PTPRD: variants seen among roughly 807,000 people sequenced by gnomAD.
PTPRD encodes receptor-type tyrosine-protein phosphatase delta.
PTPRD carries 34 observed loss-of-function variants against 214.5 expected under a neutral mutation model. The ratio of observed to expected loss-of-function variants is 0.16; its 90% CI spans 0.12 to 0.21. The LOEUF (loss-of-function observed/expected upper bound fraction) is 0.21, where lower values mean the gene tolerates loss of function less well. PTPRD is among the 10% of genes least tolerant of loss of function. The probability of loss-of-function intolerance (pLI) is 1.00; values close to 1 mark genes in which losing one functional copy is unlikely to be tolerated. For synonymous variants in PTPRD, 1,128 were observed against 845.7 expected (o/e 1.33, Z -5.79); for missense variants, 2,545 against 2,398.7 (o/e 1.06, Z -1.27).
At chr9:9,893,458 C>CA (rs377296181) in intron 5 of PTPRD, among the ~76,000 whole-genome samples, 1 of 151,800 alleles carries the variant, frequency 6.6e-6, no homozygotes, top group African/African-American at 2.4e-5. Flanking sequence ...TAGAAAACAA[C>CA]AAAAAATATT....
Position 9,600,429 on chromosome 9 carries a change from A to G in PTPRD, c.-286-25648T>C, listed in dbSNP as rs375799688. On this transcript the variant is annotated intron_variant, in intron 7 of 45. Coordinates refer to ENST00000381196, the MANE Select transcript of PTPRD (RefSeq NM_002839.4). ...ATTCATTTCTTCATTCATTCATTGTATTAGCCCCCGTTTTAAGGTTTAGGT... is the reference window on the plus strand; with the variant it reads ...ATTCATTTCTTCATTCATTCATTGTGTTAGCCCCCGTTTTAAGGTTTAGGT... Among the ~76,000 whole-genome samples the G allele has an allele frequency of 1.1e-3, 4 of 3,772 alleles. No individual in the cohort carries two copies. The Non-Finnish European group carries it at 0.021, about 20-fold the overall frequency. The allele number at this position is 3,772 out of a possible 152,430, so 2.5% of individuals were successfully genotyped here.
At chr9:9,625,021 A>T (rs867509301) in intron 7 of PTPRD, among the ~76,000 whole-genome samples, 3 of 152,316 alleles carry the variant, frequency 2.0e-5, no homozygotes, top group Middle Eastern at 3.4e-3. Flanking sequence ...AGGGCCAAAA[A>T]TAACCACTGT....
chr9:9,647,918 T>C (rs1018528379), intron 7 of PTPRD, among the ~76,000 whole-genome samples: 3 of 152,170 alleles, frequency 2.0e-5, no homozygotes, highest in South Asian at 2.1e-4. Flanking sequence ...CCAGATCTCA[T>C]ACTTTAATTG....
At chr9:10,030,738 C>T (rs1026259889) in intron 4 of PTPRD, among the ~76,000 whole-genome samples, 1 of 152,184 alleles carries the variant, frequency 6.6e-6, no homozygotes, top group African/African-American at 2.4e-5. Context: ...TCAATGGTAT[C>T]CTGTGTCCTG....
chr9:8,590,401 C>T (rs1250171146), intron 14 of PTPRD, among the ~76,000 whole-genome samples: 8 of 152,074 alleles, frequency 5.3e-5, no homozygotes, highest in Admixed American at 5.2e-4. Flanking sequence ...TCCTAAAATT[C>T]AAGTGTGCAG....
Position 8,913,820 on chromosome 9 carries a change from G to A in PTPRD, c.-104+104877C>T, listed in dbSNP as rs941671773. 1.3e-4 allele frequency among the ~76,000 whole-genome samples: 20 copies of A among 152,148 alleles called. 1 individual carries two copies. The highest frequency in any genetic ancestry group is 7.4e-5 in the Non-Finnish European group (5 of 68,000). On this transcript the variant is annotated intron_variant, in intron 11 of 45. Transcript: ENST00000381196. ...TGAGACTGGAAGTCAGTGAGGTATTGTGATTATGACCTGCTTTGGGGGTAG... is the reference window on the plus strand; with the variant it reads ...TGAGACTGGAAGTCAGTGAGGTATTATGATTATGACCTGCTTTGGGGGTAG...
chr9:9,652,775 C>T (rs541914256), intron 7 of PTPRD, among the ~76,000 whole-genome samples: 18 of 151,948 alleles, frequency 1.2e-4, no homozygotes, highest in African/African-American at 4.3e-4. Context: ...CCACCATTCC[C>T]TGCTAATTTT....
chr9:9,423,262 T>G (rs1412729), intron 8 of PTPRD, among the ~76,000 whole-genome samples: 132,197 of 152,122 alleles, frequency 0.87, 57,566 homozygotes, highest in Middle Eastern at 0.91. Context: ...GCTTTGGAAG[T>G]TAATTAGGTT....
chr9:9,202,069 G>A (rs2132334896), intron 9 of PTPRD, among the ~76,000 whole-genome samples: 1 of 152,314 alleles, frequency 6.6e-6, no homozygotes, highest in Middle Eastern at 3.4e-3. Flanking sequence ...AAGCCTTGAT[G>A]GAAAAGATGC....
intron 14 of PTPRD, among the ~76,000 whole-genome samples, chr9:8,620,496 G>C (rs988813788): frequency 2.0e-5 from 3 of 151,964 alleles, no homozygotes; most frequent in Admixed American, 6.6e-5. Context: ...TGATGAAAAG[G>C]TTATTTTGCA....
At chr9:9,875,454 T>G (rs1319370343) in intron 5 of PTPRD, among the ~76,000 whole-genome samples, 1 of 152,064 alleles carries the variant, frequency 6.6e-6, no homozygotes, top group South Asian at 2.1e-4. Flanking sequence ...ATAACCTAAG[T>G]AGGATGCAAA....
Position 8,449,963 on chromosome 9 carries a change from C to G in PTPRD, c.3876-126G>C, listed in dbSNP as rs2095871739. On this transcript the variant is annotated intron_variant, in intron 33 of 45. Coordinates refer to ENST00000381196, the MANE Select transcript of PTPRD (RefSeq NM_002839.4). Reference sequence around the variant, plus strand: ...TCAGTTTTACAACTTTTCAACCCAGCTGACTTGTGACCCAGTTCGGGTTGC... The same window carrying G: ...TCAGTTTTACAACTTTTCAACCCAGGTGACTTGTGACCCAGTTCGGGTTGC... 1.6e-5 allele frequency: 14 copies of G among 894,254 alleles called. No individual in the cohort carries two copies. The South Asian group carries it at 2.3e-4, about 15-fold the overall frequency. 55.4% of individuals were successfully genotyped at this position (894,254 alleles called of 1,614,324 possible).
At chr9:10,032,517 T>C (rs2097101633) in intron 4 of PTPRD, among the ~76,000 whole-genome samples, 2 of 152,180 alleles carry the variant, frequency 1.3e-5, no homozygotes, top group South Asian at 4.1e-4. Context: ...TCAGATGAGA[T>C]CCCTGGGGAC....
chr9:10,108,373 A>G (rs2098656171), intron 3 of PTPRD, among the ~76,000 whole-genome samples: 1 of 152,052 alleles, frequency 6.6e-6, no homozygotes, highest in Non-Finnish European at 1.5e-5. Flanking sequence ...GTATATTGTT[A>G]TTAACTATAG....
chr9:8,975,955 T>A (rs940373956), intron 11 of PTPRD, among the ~76,000 whole-genome samples: 13 of 152,062 alleles, frequency 8.5e-5, no homozygotes, highest in Admixed American at 8.5e-4. Context: ...TTGTAATTAA[T>A]TTAAGTAATC....
chr9:9,505,490 G>A (rs1023374342), intron 8 of PTPRD, among the ~76,000 whole-genome samples: 4 of 151,432 alleles, frequency 2.6e-5, no homozygotes, highest in African/African-American at 4.8e-5. Context: ...TAAATTTGAT[G>A]CCAGATTTAG....
chr9:10,356,612 T>C (rs1398543018), intron 2 of PTPRD, among the ~76,000 whole-genome samples: 1 of 152,188 alleles, frequency 6.6e-6, no homozygotes, highest in Non-Finnish European at 1.5e-5. Flanking sequence ...TTAAATCTTA[T>C]TTTTTCCTAA....
In PTPRD at chr9:10,449,348, T is replaced by G. The variant is rs750179133; in HGVS notation, c.-599-108331A>C. Among the ~76,000 whole-genome samples, 233 of 150,234 alleles carry G rather than the reference T, an allele frequency of 1.6e-3. 2 individuals are homozygous for G. The highest frequency in any genetic ancestry group is 4.7e-3 in the African/African-American group (189 of 39,922). On this transcript the variant is annotated intron_variant, in intron 2 of 45. Transcript: ENST00000381196. The stretch of plus-strand genomic sequence containing the variant: ...AGTCTCGCTCACTCAGTGCTCAATG[T>G]CGCCCAGGCTGGAGTGCAGTGGCGT...
At chr9:9,236,977 C>T (rs2099967193) in intron 9 of PTPRD, among the ~76,000 whole-genome samples, 1 of 152,090 alleles carries the variant, frequency 6.6e-6, no homozygotes, top group African/African-American at 2.4e-5. Flanking sequence ...CCTCAAAAGG[C>T]TTATTAGTTT....
Sources: allele counts gnomAD v4.1 joint callset (sites outside exome capture counted in the v4.1 genomes callset), GRCh38; gene constraint gnomAD v4.1.1; transcripts MANE v1.5; gene names NCBI Gene and HGNC (gene_info 2026-07-23, HGNC 2026-07-21).